The following ITGA2 variants were observed in gnomAD, a reference collection of about 807,000 sequenced individuals.
ITGA2 encodes the protein integrin alpha-2.
Under a neutral mutation model 146.3 loss-of-function variants are expected in ITGA2, and 101 were observed. The observed-to-expected ratio is 0.69, with a 90% CI of 0.59 to 0.81. The LOEUF is 0.81. Among genes scored for constraint, ITGA2 ranks in the 40% least tolerant of loss-of-function variants. The probability of loss-of-function intolerance (pLI) is 0.00; values close to 1 mark genes in which losing one functional copy is unlikely to be tolerated. For missense variants in ITGA2, 1,281 were observed against 1,402.7 expected (o/e 0.91, Z 1.39); for synonymous variants, 477 against 487.1 (o/e 0.98, Z 0.27).
intron 1 of ITGA2, among the ~76,000 whole-genome samples, chr5:53,007,608 T>A (rs1353694425): frequency 6.6e-6 from 1 of 152,144 alleles, no homozygotes; most frequent in Non-Finnish European, 1.5e-5. Context: ...GTATTTCTAG[T>A]AACTCTTGGG....
chr5:53,021,501 A>G (rs1480606966), intron 1 of ITGA2, among the ~76,000 whole-genome samples: 1 of 152,124 alleles, frequency 6.6e-6, no homozygotes, highest in Non-Finnish European at 1.5e-5. Flanking sequence ...ACTCTAGAGC[A>G]TGGTTCTCCT....
chr5:53,082,930 TTG>T, intron 26 of ITGA2, among the ~76,000 whole-genome samples: 1 of 152,210 alleles, frequency 6.6e-6, no homozygotes, highest in Non-Finnish European at 1.5e-5. Flanking sequence ...TAATGACAAA[TTG>T]TAGTACATTT....
At chr5:53,033,965 G>A (rs1184751048) in intron 2 of ITGA2, among the ~76,000 whole-genome samples, 2 of 151,798 alleles carry the variant, frequency 1.3e-5, no homozygotes, top group African/African-American at 2.4e-5. Context: ...AGGTTTCACC[G>A]TGTTGGCCAG....
intron 1 of ITGA2, among the ~76,000 whole-genome samples, chr5:52,999,382 A>G (rs1444477981): frequency 6.6e-6 from 1 of 152,246 alleles, no homozygotes; most frequent in Admixed American, 6.5e-5. Context: ...AGGTAAATGT[A>G]CAGCTTTTTA....
chr5:53,074,445 G>A lies in ITGA2; in HGVS notation c.2632G>A (p.Val878Ile). The A allele has an allele frequency of 1.9e-6, 3 of 1,612,342 alleles. No homozygotes were observed. The highest frequency in any genetic ancestry group is 1.7e-5 in the Admixed American group (1 of 59,848). The stretch of plus-strand genomic sequence containing the variant: ...ATCTCAGAAGTCTGTTGCCTGCGAT[G>A]TAGGCTACCCTGCTTTAAAGAGAGA... Reference protein sequence around the residue: ...AASQKSVACDVGYPALKREQQ... With the variant: ...AASQKSVACDIGYPALKREQQ... Residue 878 changes from valine (V) to isoleucine (I), a missense_variant, in exon 21 of 30, where the codon GTA (valine) becomes ATA (isoleucine). Around this residue, in one of 3 missense-constraint regions of ITGA2, gnomAD observed 475 missense variants for 530.5 expected, o/e 0.90. Transcript: ENST00000296585.
chr5:53,006,309 A>G (rs1440150350), intron 1 of ITGA2, among the ~76,000 whole-genome samples: 1 of 152,194 alleles, frequency 6.6e-6, no homozygotes, highest in African/African-American at 2.4e-5. Flanking sequence ...ACCCCGTAAT[A>G]TAGTCAGTCT....
chr5:53,033,200 C>G (rs1428150863), intron 2 of ITGA2, among the ~76,000 whole-genome samples: 1 of 152,020 alleles, frequency 6.6e-6, no homozygotes, highest in Non-Finnish European at 1.5e-5. Context: ...ACCTGGGAGG[C>G]AGATGTTGCA....
chr5:53,078,749 G>A (rs1315897981), intron 23 of ITGA2, 23 bp from the exon 24 acceptor site: 1 of 1,338,526 alleles, frequency 7.5e-7, no homozygotes, highest in African/African-American at 1.4e-5. Context: ...AAAATATTTG[G>A]CTTTACAAAC....
At chr5:52,999,936 CT>C (rs1367521986) in intron 1 of ITGA2, among the ~76,000 whole-genome samples, 1 of 152,162 alleles carries the variant, frequency 6.6e-6, no homozygotes, top group Non-Finnish European at 1.5e-5. Context: ...CAGAAGTCCC[CT>C]ATATGTTCTT....
chr5:53,058,021 C>G lies in ITGA2; in HGVS notation c.1097-4C>G, dbSNP rs1274301679. 1 of 1,606,456 alleles carries G rather than the reference C, an allele frequency of 6.2e-7. No homozygotes were observed. The highest frequency in any genetic ancestry group is 1.1e-5 in the South Asian group (1 of 90,906). On this transcript the variant is annotated splice_polypyrimidine_tract_variant and splice_region_variant and intron_variant, in intron 9 of 29. Coordinates refer to ENST00000296585, the MANE Select transcript of ITGA2 (RefSeq NM_002203.4). ...AATACAATTTTTAAAATTGAATGTT[C>G]CAGGTACTGTTCAAGGAGGAGACAA...
At chr5:53,002,305 T>C (rs1561279811) in intron 1 of ITGA2, among the ~76,000 whole-genome samples, 1 of 152,116 alleles carries the variant, frequency 6.6e-6, no homozygotes, top group African/African-American at 2.4e-5. Flanking sequence ...TCCATTGAAA[T>C]ACTAAACTTG....
At position 53,060,912 on chromosome 5, in the gene ITGA2, G is replaced by A. The variant is rs143282060; in HGVS notation, c.1324G>A (p.Ala442Thr). 21 of 1,612,290 alleles carry A rather than the reference G, an allele frequency of 1.3e-5. No individual in the cohort carries two copies. The African/African-American group carries it at 2.7e-4, about 21-fold the overall frequency. Residue 442 changes from alanine to threonine, a missense_variant, in exon 12 of 30, where the codon GCT becomes ACT. Ala to Thr is a moderately conservative substitution (Grantham distance 58). Coordinates refer to ENST00000296585, the MANE Select transcript of ITGA2 (RefSeq NM_002203.4). ...TCCTTCCCTTTTAGGTTACTCTGTG[G>A]CTGCAATTTCTACTGGAGAAAGCAC... is the stretch of plus-strand genomic sequence containing the variant. ...NHSSYLGYSVAAISTGESTHF... is the reference protein window; with the variant it reads ...NHSSYLGYSVTAISTGESTHF...
At position 53,075,167 on chromosome 5, in the gene ITGA2, GA is replaced by G. The variant is rs576175456; in HGVS notation, c.2741+31del. On this transcript the variant is annotated intron_variant, in intron 22 of 29. Transcript: ENST00000296585. ...AACATAATGAAGTCATGAATGGAATGATGGATAGCTTTGTATTTCTCTTTAA... is the reference window on the plus strand; with the variant it reads ...AACATAATGAAGTCATGAATGGAATGTGGATAGCTTTGTATTTCTCTTTAA... 1,020 of 1,603,224 alleles carry G rather than the reference GA, an allele frequency of 6.4e-4. 3 individuals carry two copies. The highest frequency in any genetic ancestry group is 1.2e-3 in the Admixed American group (69 of 59,802).
rs1744012010 is a variant in ITGA2, at chr5:53,045,110, A to G, written c.387+18A>G. The G allele has an allele frequency of 1.3e-6, 2 of 1,567,370 alleles. No homozygotes were observed. The highest frequency in any genetic ancestry group is 2.7e-5 in the African/African-American group (2 of 74,062). ...GTTTTCTCGTGAGTGTTTACTTTAC[A>G]AATCATTATTCCTCTCAAGAAAGTA... On this transcript the variant is annotated intron_variant, in intron 4 of 29. Coordinates refer to ENST00000296585, the MANE Select transcript of ITGA2 (RefSeq NM_002203.4).
At chr5:53,053,546 G>T (rs1744490660) in intron 7 of ITGA2, among the ~76,000 whole-genome samples, 1 of 152,098 alleles carries the variant, frequency 6.6e-6, no homozygotes, top group South Asian at 2.1e-4. Flanking sequence ...GGAGCCTGGG[G>T]CCCTGGCGAG....
At chr5:52,997,475 A>G (rs1158290578) in intron 1 of ITGA2, among the ~76,000 whole-genome samples, 1 of 152,230 alleles carries the variant, frequency 6.6e-6, no homozygotes, top group Non-Finnish European at 1.5e-5. Context: ...AAACACAGCA[A>G]TGGAAATAAA....
intron 16 of ITGA2, among the ~76,000 whole-genome samples, chr5:53,069,245 T>A (rs1322776629): frequency 1.3e-5 from 2 of 151,934 alleles, no homozygotes; most frequent in South Asian, 2.1e-4. Context: ...TAGTTGAAGG[T>A]AATAATTCTG....
chr5:53,050,201 C>T (rs1744284882), intron 6 of ITGA2, among the ~76,000 whole-genome samples: 1 of 152,140 alleles, frequency 6.6e-6, no homozygotes, highest in Non-Finnish European at 1.5e-5. Flanking sequence ...CACAGTCTTC[C>T]TCTTTTGTGT....
At chr5:53,057,268 G>A (rs750002575) in intron 9 of ITGA2, among the ~76,000 whole-genome samples, 6 of 151,918 alleles carry the variant, frequency 3.9e-5, no homozygotes, top group African/African-American at 9.7e-5. Flanking sequence ...TACTCATCCT[G>A]TGTAAATTAT....
Sources: gnomAD v4.1 joint callset for allele counts (sites outside exome capture counted in the v4.1 genomes callset) on GRCh38, gnomAD v4.1.1 for gene constraint, gnomAD v4.1.1 regional missense constraint, MANE v1.5 for transcripts, NCBI Gene and HGNC (gene_info 2026-07-23, HGNC 2026-07-21) for gene names.